The following SCN11A variants were observed in gnomAD, a reference collection of about 807,000 sequenced individuals.
The protein encoded by SCN11A is sodium channel protein type 11 subunit alpha.
A neutral mutation model predicts 162.2 loss-of-function variants in SCN11A; 122 were observed. The observed-to-expected ratio is 0.75, with a 90% CI of 0.65 to 0.87. SCN11A has a LOEUF of 0.87. Ranked by LOEUF, SCN11A falls within the 40% of genes least tolerant of loss-of-function variation. SCN11A has a pLI of 0.00. For synonymous variants in SCN11A, 758 were observed against 751.5 expected (o/e 1.01, Z -0.14); for missense variants, 2,015 against 2,181.6 (o/e 0.92, Z 1.52).
intron 20 of SCN11A, 33 bp downstream of exon 20, chr3:38,886,092 C>T (rs376165155): frequency 1.4e-6 from 2 of 1,411,792 alleles, no homozygotes; most frequent in Non-Finnish European, 2.0e-6. Context: ...GGATGAGCCA[C>T]AAGTTCCTCT....
At chr3:38,885,717 GAGA>G (rs2065386857) in intron 20 of SCN11A, among the ~76,000 whole-genome samples, 1 of 152,154 alleles carries the variant, frequency 6.6e-6, no homozygotes, top group South Asian at 2.1e-4. Flanking sequence ...ATTATGTGAT[GAGA>G]AGAAGGCTAC....
intron 7 of SCN11A, among the ~76,000 whole-genome samples, chr3:38,933,435 G>C (rs2066277849): frequency 6.6e-6 from 1 of 152,180 alleles, no homozygotes; most frequent in African/African-American, 2.4e-5. Flanking sequence ...CGAGCTACAG[G>C]AGGAAATTCA....
At chr3:38,860,693 C>G (rs2064949114) in intron 28 of SCN11A, among the ~76,000 whole-genome samples, 1 of 152,142 alleles carries the variant, frequency 6.6e-6, no homozygotes, top group Non-Finnish European at 1.5e-5. Context: ...TTCAGCATCT[C>G]TTTATGATAA....
At chr3:39,042,698 C>T (rs2032077375) in intron 1 of SCN11A, among the ~76,000 whole-genome samples, 1 of 152,046 alleles carries the variant, frequency 6.6e-6, no homozygotes, top group African/African-American at 2.4e-5. Context: ...TGGCTCACGC[C>T]TGTAATCCCA....
chr3:39,029,544 A>G (rs2031690346), intron 2 of SCN11A, among the ~76,000 whole-genome samples: 1 of 152,220 alleles, frequency 6.6e-6, no homozygotes, highest in East Asian at 1.9e-4. Context: ...GGGCAGGGGA[A>G]CCCATGAAGA....
chr3:38,959,699 G>T (rs1339875803), intron 3 of SCN11A, among the ~76,000 whole-genome samples: 3 of 152,080 alleles, frequency 2.0e-5, no homozygotes, highest in Admixed American at 6.5e-5. Context: ...CTTAACTTTG[G>T]TGACACATAA....
intron 27 of SCN11A, among the ~76,000 whole-genome samples, chr3:38,864,023 C>T (rs764897000): frequency 8.5e-5 from 13 of 152,054 alleles, no homozygotes; most frequent in Admixed American, 7.2e-4. Flanking sequence ...ACTAGAATCT[C>T]AGTTTTTAGT....
chr3:39,008,824 G>A (rs940912413), intron 2 of SCN11A, among the ~76,000 whole-genome samples: 4 of 151,338 alleles, frequency 2.6e-5, no homozygotes, highest in African/African-American at 9.8e-5. Flanking sequence ...CAGAGTTGCA[G>A]TGAGCCAAGA....
chr3:39,018,703 AGCTACTTGG>A (rs1313188385), intron 2 of SCN11A, among the ~76,000 whole-genome samples: 1 of 152,128 alleles, frequency 6.6e-6, no homozygotes, highest in African/African-American at 2.4e-5. Flanking sequence ...CTGTAGTCCC[AGCTACTTGG>A]GAGGCTGAGG....
chr3:38,938,739 TTCTTA>T (rs2066394561), intron 7 of SCN11A, among the ~76,000 whole-genome samples: 1 of 150,798 alleles, frequency 6.6e-6, no homozygotes, highest in African/African-American at 2.4e-5. Flanking sequence ...TAATTTTGTA[TTCTTA>T]GTAGAGACGC....
intron 29 of SCN11A, among the ~76,000 whole-genome samples, chr3:38,848,853 T>A (rs2064722366): frequency 6.6e-6 from 1 of 152,222 alleles, no homozygotes; most frequent in Non-Finnish European, 1.5e-5. Context: ...GAGATTCATT[T>A]CAACTCACAC....
intron 26 of SCN11A, among the ~76,000 whole-genome samples, chr3:38,869,903 G>A (rs904636529): frequency 5.9e-5 from 9 of 152,084 alleles, no homozygotes; most frequent in Non-Finnish European, 1.3e-4. Context: ...CTGGTCCCAA[G>A]CATTTCAGAT....
chr3:38,950,447 GTCTTAAAGGA>G, intron 4 of SCN11A, 78 bp from the exon 5 acceptor site: 1 of 1,434,376 alleles, frequency 7.0e-7, no homozygotes, highest in Non-Finnish European at 9.7e-7. Flanking sequence ...TAGGATTCCA[GTCTTAAAGGA>G]TGGTGTCATA....
At position 38,903,900 on chromosome 3, in the gene SCN11A, C is replaced by T. The variant is rs927646038; in HGVS notation, c.1807G>A (p.Ala603Thr). The change falls in exon 16 of 30, where the codon GCC becomes ACC. Residue 603 changes from alanine to threonine, a missense_variant. Transcript: ENST00000302328. ...FLAMEHHKME[A>T]SFEKMLNIGN... ...ATATTCAACATCTTCTCAAAACTGG[C>T]CTCCATCTTGTGATGCTCCATGGCC... The T allele has an allele frequency of 1.9e-6, 3 of 1,611,268 alleles. No individual in the cohort carries two copies. Among genetic ancestry groups the T allele is most frequent in the African/African-American group, 2.7e-5 (2 of 74,794 alleles).
At chr3:38,933,732 C>A (rs2066281814) in intron 7 of SCN11A, among the ~76,000 whole-genome samples, 2 of 152,148 alleles carry the variant, frequency 1.3e-5, no homozygotes, top group Non-Finnish European at 2.9e-5. Flanking sequence ...TGTGAAAACA[C>A]CAAATCTACG....
Position 38,891,288 on chromosome 3 carries a change from C to T in SCN11A, c.2835+3245G>A, listed in dbSNP as rs114225880. ...TGAAATGAAAAAGTCACTAGAGAGACCAACAGTACATTTGAAGAAAGAACC... is the reference window on the plus strand; with the variant it reads ...TGAAATGAAAAAGTCACTAGAGAGATCAACAGTACATTTGAAGAAAGAACC... On this transcript the variant is annotated intron_variant, in intron 19 of 29. Coordinates refer to ENST00000302328, the MANE Select transcript of SCN11A (RefSeq NM_001349253.2). Among the ~76,000 whole-genome samples the T allele has an allele frequency of 2.9e-3, 442 of 151,946 alleles. 5 individuals are homozygous for T. Among genetic ancestry groups the T allele is most frequent in the African/African-American group, 0.01 (421 of 41,446 alleles).
At chr3:38,977,477 C>G (rs59953532) in intron 2 of SCN11A, among the ~76,000 whole-genome samples, 24,219 of 152,194 alleles carry the variant, frequency 0.16, 2,392 homozygotes, top group African/African-American at 0.28. Context: ...GAGGTTGATA[C>G]GGGAATGAAG....
intron 19 of SCN11A, among the ~76,000 whole-genome samples, chr3:38,889,002 A>T (rs1200279113): frequency 6.6e-6 from 1 of 151,868 alleles, no homozygotes; most frequent in African/African-American, 2.4e-5. Flanking sequence ...ACTGAAATTA[A>T]ATTTTTTTTA....
chr3:38,940,825 GA>G (rs1444281059), intron 7 of SCN11A, among the ~76,000 whole-genome samples: 1 of 151,226 alleles, frequency 6.6e-6, no homozygotes, highest in Non-Finnish European at 1.5e-5. Flanking sequence ...TAAAGGAAAA[GA>G]AAAAAATAAT....
Sources: allele counts gnomAD v4.1 joint callset (sites outside exome capture counted in the v4.1 genomes callset), GRCh38; gene constraint gnomAD v4.1.1; transcripts MANE v1.5; gene names NCBI Gene and HGNC (gene_info 2026-07-23, HGNC 2026-07-21).